The following S100A16 variants were observed in gnomAD, a reference collection of about 807,000 sequenced individuals.
S100A16 encodes the protein S100 calcium binding protein A16.
Under a neutral mutation model 9.0 loss-of-function variants are expected in S100A16, and 8 were observed. The ratio of observed to expected loss-of-function variants is 0.89; its 90% CI spans 0.52 to 1.60. The LOEUF (loss-of-function observed/expected upper bound fraction) is 1.60. S100A16 is among the 40% of genes most tolerant of loss of function. The probability of loss-of-function intolerance (pLI) is 0.00; values close to 1 mark genes in which losing one functional copy is unlikely to be tolerated. For synonymous variants in S100A16, 51 were observed against 51.4 expected (o/e 0.99, Z 0.04); for missense variants, 138 against 132.4 (o/e 1.04, Z -0.21).
At chr1:153,609,970 G>A (rs879387119) in intron 1 of S100A16, among the ~76,000 whole-genome samples, 9 of 152,162 alleles carry the variant, frequency 5.9e-5, no homozygotes, top group Admixed American at 5.9e-4. Flanking sequence ...TCCTTGGCTG[G>A]GAGGATGGAG....
chr1:153,610,441 C>A lies in S100A16; in HGVS notation c.-26-2264G>T, dbSNP rs75950411. 3.8e-3 allele frequency among the ~76,000 whole-genome samples: 582 copies of A among 152,306 alleles called. 2 individuals carry two copies. The highest frequency in any genetic ancestry group is 0.014 in the African/African-American group (568 of 41,560). On this transcript the variant is annotated intron_variant, in intron 1 of 2. Transcript: ENST00000368706. The stretch of plus-strand genomic sequence containing the variant: ...CTCCCACCACCTGCCTCCTTGGAGT[C>A]ATTTCTCTGAGCTGTCTCCTCCTGG...
chr1:153,612,014 C>T (rs1666847819), intron 1 of S100A16, among the ~76,000 whole-genome samples: 1 of 152,080 alleles, frequency 6.6e-6, no homozygotes, highest in African/African-American at 2.4e-5. Flanking sequence ...CCCTTCCACT[C>T]ACTTCAGTTC....
intron 1 of S100A16, chr1:153,609,214 G>A: frequency 1.0e-6 from 1 of 985,484 alleles, no homozygotes; most frequent in Non-Finnish European, 1.2e-6. Flanking sequence ...GACAAAACAG[G>A]GTCACAGCCA....
chr1:153,607,171 G>A lies in S100A16; in HGVS notation c.*363C>T. ...AGAGCAGGGAGACCTCAAGCACCAA[G>A]CTGACCTTTGGAGGTCAGGACGGAC... On this transcript the variant is annotated 3_prime_UTR_variant, in exon 3 of 3. Coordinates refer to ENST00000368706, the MANE Select transcript of S100A16 (RefSeq NM_080388.3). 2.3e-6 allele frequency: 1 copy of A among 437,976 alleles called. No individual in the cohort carries two copies. The highest frequency in any genetic ancestry group is 4.5e-6 in the Non-Finnish European group (1 of 224,710). 27.1% of individuals were successfully genotyped at this position (437,976 alleles called of 1,614,324 possible).
chr1:153,612,288 T>C (rs530956163), intron 1 of S100A16, among the ~76,000 whole-genome samples: 3 of 152,310 alleles, frequency 2.0e-5, no homozygotes, highest in Admixed American at 1.3e-4. Flanking sequence ...GCCTGGGTCC[T>C]GAGGTGGAGG....
intron 1 of S100A16, among the ~76,000 whole-genome samples, chr1:153,608,586 A>G (rs1571267918): frequency 6.6e-6 from 1 of 152,122 alleles, no homozygotes; most frequent in African/African-American, 2.4e-5. Flanking sequence ...GACAGCTGGG[A>G]TGAGCCATGG....
In S100A16 at chr1:153,612,107, C is replaced by G. The variant is rs543119441; in HGVS notation, c.-27+845G>C. Among the ~76,000 whole-genome samples the G allele has an allele frequency of 1.3e-4, 20 of 150,788 alleles. No homozygotes were observed. The East Asian group carries it at 3.7e-3, about 28-fold the overall frequency. ...AGTGTGGATCTTGCCCCCGCCTCCC[C>G]CAACACACACACAGCTACCCCAGCC... On this transcript the variant is annotated intron_variant, in intron 1 of 2. Transcript: ENST00000368706.
chr1:153,607,901 G>T, intron 2 of S100A16, 98 bp downstream of exon 2: 1 of 1,325,264 alleles, frequency 7.5e-7, no homozygotes, highest in Non-Finnish European at 1.1e-6. Context: ...ACACTGGAAG[G>T]ATAGAGGCCT....
In S100A16 at chr1:153,607,949, A is replaced by C. The variant is rs1557912535; in HGVS notation, c.153+50T>G. The stretch of plus-strand genomic sequence containing the variant: ...ACACCCTCAGAGGCCAGAGGCTTGC[A>C]GGGGAGGGAAGGGGAGAGGGAGGCA... On this transcript the variant is annotated intron_variant, in intron 2 of 2. Transcript: ENST00000368706. 3 of 1,577,164 alleles carry C rather than the reference A, an allele frequency of 1.9e-6. No homozygotes were observed. In the Admixed American group the frequency reaches 5.0e-5, roughly 26 times the overall value.
chr1:153,612,507 GA>G (rs544853632), intron 1 of S100A16, among the ~76,000 whole-genome samples: 27 of 152,170 alleles, frequency 1.8e-4, no homozygotes, highest in African/African-American at 6.0e-4. Context: ...AGGCTCCCTG[GA>G]AACTGCCTGG....
intron 1 of S100A16, among the ~76,000 whole-genome samples, chr1:153,611,917 TCACACACACA>T (rs55729519): frequency 7.1e-6 from 1 of 140,790 alleles, no homozygotes; most frequent in African/African-American, 2.6e-5. Flanking sequence ...TGTCTCTCTC[TCACACACACA>T]CACACACACA....
At chr1:153,607,949 AG>A (rs754718069) in intron 2 of S100A16, 49 bp downstream of exon 2, 65 of 1,577,046 alleles carry the variant, frequency 4.1e-5, no homozygotes, top group Non-Finnish European at 5.6e-5. Context: ...AGAGGCTTGC[AG>A]GGGAGGGAAG....
chr1:153,611,223 T>A (rs1279879642), intron 1 of S100A16, among the ~76,000 whole-genome samples: 2 of 114,160 alleles, frequency 1.8e-5, no homozygotes, highest in Non-Finnish European at 3.5e-5. Context: ...TCCCAGCCAC[T>A]CCAGCCCCAC....
intron 1 of S100A16, chr1:153,609,101 C>A: frequency 1.0e-6 from 1 of 985,476 alleles, no homozygotes; most frequent in Non-Finnish European, 1.2e-6. Context: ...ATGCCCAAAA[C>A]CCCCCCACAT....
rs979312997 is a variant in S100A16, at chr1:153,609,706, C to T, written c.-26-1529G>A. Among the ~76,000 whole-genome samples, 4 of 152,240 alleles carry T rather than the reference C, an allele frequency of 2.6e-5. No homozygotes were observed. The East Asian group carries it at 7.7e-4, about 29-fold the overall frequency. ...ATCTCTCCAGCCCACATTGCCTGGTCCAGTGCCTTGCTCAAGGTACACGTT... is the reference window on the plus strand; with the variant it reads ...ATCTCTCCAGCCCACATTGCCTGGTTCAGTGCCTTGCTCAAGGTACACGTT... On this transcript the variant is annotated intron_variant, in intron 1 of 2. Transcript: ENST00000368706.
intron 1 of S100A16, among the ~76,000 whole-genome samples, chr1:153,609,707 C>T (rs1414374705): frequency 6.6e-6 from 1 of 152,238 alleles, no homozygotes; most frequent in East Asian, 1.9e-4. Context: ...TTGCCTGGTC[C>T]AGTGCCTTGC....
Position 153,607,592 on chromosome 1 carries a change from C to A in S100A16, c.254G>T (p.Gly85Val). The A allele has an allele frequency of 6.2e-7, 1 of 1,614,194 alleles. No individual in the cohort carries two copies. The highest frequency in any genetic ancestry group is 8.5e-7 in the Non-Finnish European group (1 of 1,180,004). The part of the protein sequence containing the change: ...SFDEYWTLIG[G>V]ITGPIAKLIH... ...GAGTTTGGCGATGGGGCCGGTGATGCCGCCTATCAAGGTCCAGTACTCATC... is the reference window on the plus strand; with the variant it reads ...GAGTTTGGCGATGGGGCCGGTGATGACGCCTATCAAGGTCCAGTACTCATC... The change falls in exon 3 of 3, where the codon GGC becomes GTC. Residue 85 changes from glycine to valine, a missense_variant. Physicochemically the swap from Gly to Val is moderately radical, Grantham distance 109. Transcript: ENST00000368706.
chr1:153,609,368 C>T (rs1666784569), intron 1 of S100A16: 1 of 986,212 alleles, frequency 1.0e-6, no homozygotes, highest in Non-Finnish European at 1.2e-6. Flanking sequence ...CCTGCCCTCT[C>T]CAGCCAGCCT....
intron 1 of S100A16, among the ~76,000 whole-genome samples, chr1:153,612,418 T>C (rs2101517285): frequency 6.6e-6 from 1 of 151,604 alleles, no homozygotes; most frequent in Middle Eastern, 3.4e-3. Flanking sequence ...GAACAGCTCC[T>C]GGAACACAGT....
Sources: allele counts gnomAD v4.1 joint callset (sites outside exome capture counted in the v4.1 genomes callset), GRCh38; gene constraint gnomAD v4.1.1; transcripts MANE v1.5; gene names NCBI Gene and HGNC (gene_info 2026-07-23, HGNC 2026-07-21).